Variants in ADAMTSL1 observed in about 807,000 individuals in gnomAD.
ADAMTSL1 encodes the protein ADAMTS like 1.
A neutral mutation model predicts 201.8 loss-of-function variants in ADAMTSL1; 126 were observed. The observed-to-expected ratio is 0.62, with a 90% CI of 0.54 to 0.72. The LOEUF is 0.72. Ranked by LOEUF, ADAMTSL1 falls within the 30% of genes least tolerant of loss-of-function variation. The pLI is 0.00. For synonymous variants in ADAMTSL1, 1,121 were observed against 903.4 expected (o/e 1.24, Z -4.32); for missense variants, 2,679 against 2,277.8 (o/e 1.18, Z -3.59).
intron 2 of ADAMTSL1, among the ~76,000 whole-genome samples, chr9:18,432,850 G>A (rs989433738): frequency 8.5e-5 from 13 of 152,150 alleles, no homozygotes; most frequent in African/African-American, 2.7e-4. Flanking sequence ...ACCTTTAGTT[G>A]TGGGATTTAG....
At chr9:18,079,081 C>A (rs987682490) in intron 1 of ADAMTSL1, among the ~76,000 whole-genome samples, 1 of 152,146 alleles carries the variant, frequency 6.6e-6, no homozygotes, top group Non-Finnish European at 1.5e-5. Flanking sequence ...ATAGATGCAG[C>A]CCTCATTAGG....
At chr9:18,315,301 C>T (rs1018354987) in intron 2 of ADAMTSL1, among the ~76,000 whole-genome samples, 1 of 152,178 alleles carries the variant, frequency 6.6e-6, no homozygotes, top group African/African-American at 2.4e-5. Context: ...GACTCAGGAG[C>T]CCAGCTGGCT....
intron 1 of ADAMTSL1, among the ~76,000 whole-genome samples, chr9:18,141,477 AC>A (rs1310097561): frequency 6.6e-6 from 1 of 152,128 alleles, no homozygotes. Flanking sequence ...AGCAGTTGAA[AC>A]AAACACAAGG....
intron 2 of ADAMTSL1, among the ~76,000 whole-genome samples, chr9:18,430,317 C>T (rs1315140956): frequency 6.6e-6 from 1 of 152,136 alleles, no homozygotes; most frequent in Non-Finnish European, 1.5e-5. Context: ...TTCTGTGACC[C>T]ACAATGGCTT....
At chr9:18,237,918 G>A (rs910423068) in intron 2 of ADAMTSL1, among the ~76,000 whole-genome samples, 5 of 152,228 alleles carry the variant, frequency 3.3e-5, no homozygotes, top group African/African-American at 7.2e-5. Context: ...TTCTTTGAAC[G>A]TTTCGTGGAC....
At chr9:18,761,757 T>C (rs1173343146) in intron 16 of ADAMTSL1, among the ~76,000 whole-genome samples, 1 of 152,226 alleles carries the variant, frequency 6.6e-6, no homozygotes, top group Non-Finnish European at 1.5e-5. Flanking sequence ...TTTCATCTTC[T>C]ACAATTTTTT....
intron 2 of ADAMTSL1, among the ~76,000 whole-genome samples, chr9:18,370,803 T>A (rs1019215522): frequency 6.6e-6 from 1 of 151,572 alleles, no homozygotes; most frequent in Non-Finnish European, 1.5e-5. Context: ...ATGAACACAA[T>A]TGATATTACC....
intron 4 of ADAMTSL1, among the ~76,000 whole-genome samples, chr9:18,599,904 G>A (rs1003540381): frequency 6.7e-6 from 1 of 148,266 alleles, no homozygotes; most frequent in Non-Finnish European, 1.5e-5. Context: ...TGTAATCCCA[G>A]CACTTTGGGA....
chr9:18,584,147 A>G (rs907459644), intron 4 of ADAMTSL1, among the ~76,000 whole-genome samples: 2 of 152,126 alleles, frequency 1.3e-5, no homozygotes, highest in Admixed American at 6.5e-5. Context: ...CCCTAATCTT[A>G]CCTTGAATTG....
intron 21 of ADAMTSL1, among the ~76,000 whole-genome samples, chr9:18,825,896 A>C (rs1243989058): frequency 6.6e-6 from 1 of 151,888 alleles, no homozygotes; most frequent in African/African-American, 2.4e-5. Context: ...TTTGGTTCTC[A>C]TGTTTTTCAA....
intron 2 of ADAMTSL1, among the ~76,000 whole-genome samples, chr9:18,408,991 T>C (rs1818317334): frequency 6.6e-6 from 1 of 152,104 alleles, no homozygotes; most frequent in Admixed American, 6.5e-5. Context: ...CACCTGAAGA[T>C]TTTTTTCCTG....
chr9:18,414,471 C>G (rs1353868001), intron 2 of ADAMTSL1, among the ~76,000 whole-genome samples: 2 of 152,110 alleles, frequency 1.3e-5, no homozygotes, highest in South Asian at 2.1e-4. Flanking sequence ...CCAATTTACA[C>G]TCATGCGTGA....
At chr9:18,596,446 A>G (rs1824266318) in intron 4 of ADAMTSL1, among the ~76,000 whole-genome samples, 1 of 152,174 alleles carries the variant, frequency 6.6e-6, no homozygotes, top group African/African-American at 2.4e-5. Context: ...AGGTAACAAT[A>G]TCTAATTTTA....
intron 2 of ADAMTSL1, among the ~76,000 whole-genome samples, chr9:18,516,236 G>GAGAA (rs746414023): frequency 6.6e-6 from 1 of 152,240 alleles, no homozygotes; most frequent in Non-Finnish European, 1.5e-5. Flanking sequence ...GAGAAAGAGA[G>GAGAA]AGAAAGAAAG....
chr9:18,205,787 C>A (rs2132292837), intron 2 of ADAMTSL1, among the ~76,000 whole-genome samples: 1 of 152,186 alleles, frequency 6.6e-6, no homozygotes, highest in Non-Finnish European at 1.5e-5. Context: ...GGCACGGTGG[C>A]TCATGCCTGT....
At chr9:18,082,571 A>G (rs1234247942) in intron 1 of ADAMTSL1, among the ~76,000 whole-genome samples, 1 of 152,142 alleles carries the variant, frequency 6.6e-6, no homozygotes, top group Non-Finnish European at 1.5e-5. Flanking sequence ...GACACATCCT[A>G]TGTGAGCCTC....
intron 1 of ADAMTSL1, among the ~76,000 whole-genome samples, chr9:17,964,694 AC>A (rs1164997219): frequency 1.3e-5 from 2 of 152,192 alleles, no homozygotes. Flanking sequence ...AGAAGATGTT[AC>A]CATTAAGGTA....
chr9:18,604,830 A>G (rs7038168), intron 4 of ADAMTSL1, among the ~76,000 whole-genome samples: 102,864 of 151,878 alleles, frequency 0.68, 35,166 homozygotes, highest in East Asian at 0.76. Flanking sequence ...TTTTAGGAAC[A>G]GCCATACTGT....
At chr9:18,218,192 A>G (rs1023617685) in intron 2 of ADAMTSL1, among the ~76,000 whole-genome samples, 7 of 152,226 alleles carry the variant, frequency 4.6e-5, no homozygotes, top group African/African-American at 1.2e-4. Flanking sequence ...AGATCCAAAT[A>G]TTGTAAATGA....
Sources: allele counts gnomAD v4.1 joint callset (sites outside exome capture counted in the v4.1 genomes callset), GRCh38; gene constraint gnomAD v4.1.1; transcripts MANE v1.5; gene names NCBI Gene and HGNC (gene_info 2026-07-23, HGNC 2026-07-21).